Variants in FUT8 observed in about 807,000 individuals in gnomAD.
FUT8 encodes the protein fucosyltransferase 8.
A neutral mutation model predicts 71.3 loss-of-function variants in FUT8; 29 were observed. That is an observed-to-expected ratio of 0.41 (90% CI 0.30 to 0.55). The LOEUF (loss-of-function observed/expected upper bound fraction) is 0.55, where lower values mean the gene tolerates loss of function less well. Ranked by LOEUF, FUT8 falls within the 20% of genes least tolerant of loss-of-function variation. The probability of loss-of-function intolerance (pLI) is 0.34; values close to 1 mark genes in which losing one functional copy is unlikely to be tolerated. For synonymous variants in FUT8, 254 were observed against 239.3 expected (o/e 1.06, Z -0.57); for missense variants, 544 against 702.1 (o/e 0.77, Z 2.55).
Position 65,561,906 on chromosome 14 carries a change from A to T in FUT8, c.203+140A>T, listed in dbSNP as rs1019607848. On this transcript the variant is annotated intron_variant, in intron 3 of 10. Transcript: ENST00000673929. ...CCACAACTTAGCATGACAGTTTTCT[A>T]TCTCTGTGTATTTAATACAGAACAA... 19 of 713,882 alleles carry T rather than the reference A, an allele frequency of 2.7e-5. No homozygotes were observed. In the Admixed American group the frequency reaches 4.4e-4, roughly 17 times the overall value. 44.2% of individuals were successfully genotyped at this position (713,882 alleles called of 1,614,324 possible).
At chr14:65,634,896 C>A (rs1178660735) in intron 6 of FUT8, among the ~76,000 whole-genome samples, 1 of 152,050 alleles carries the variant, frequency 6.6e-6, no homozygotes, top group African/African-American at 2.4e-5. Flanking sequence ...ATGGGGATTG[C>A]ATTGAATTTG....
intron 6 of FUT8, among the ~76,000 whole-genome samples, chr14:65,648,336 G>A (rs112284160): frequency 1.4e-4 from 21 of 151,962 alleles, no homozygotes; most frequent in African/African-American, 5.1e-4. Context: ...TATTCCTTTA[G>A]CTATATATGA....
intron 7 of FUT8, among the ~76,000 whole-genome samples, chr14:65,700,414 G>C (rs1196159575): frequency 1.2e-4 from 7 of 60,268 alleles, no homozygotes; most frequent in African/African-American, 4.0e-4. Context: ...TTTTTGAGAC[G>C]GAGTCTTGCT....
At chr14:65,730,626 C>G (rs963329695) in intron 9 of FUT8, among the ~76,000 whole-genome samples, 1 of 152,002 alleles carries the variant, frequency 6.6e-6, no homozygotes, top group Non-Finnish European at 1.5e-5. Context: ...GAGCCAAGAT[C>G]GCACCACTGC....
At chr14:65,360,066 C>T in the FUT8 span, among the ~76,000 whole-genome samples, 4 of 152,114 alleles carry the variant, frequency 2.6e-5, no homozygotes, top group Non-Finnish European at 5.9e-5. Flanking sequence ...CTCCTGACCT[C>T]ATGATCCGTC....
intron 1 of FUT8, among the ~76,000 whole-genome samples, chr14:65,417,052 C>T (rs932380775): frequency 6.6e-6 from 1 of 151,916 alleles, no homozygotes; most frequent in Non-Finnish European, 1.5e-5. Context: ...TCCTAAAATG[C>T]TGGGATTACA....
intron 3 of FUT8, among the ~76,000 whole-genome samples, chr14:65,601,005 A>G (rs1888262883): frequency 6.6e-6 from 1 of 152,156 alleles, no homozygotes; most frequent in African/African-American, 2.4e-5. Flanking sequence ...TGGAGAATTG[A>G]GCCAGAAACC....
intron 2 of FUT8, among the ~76,000 whole-genome samples, chr14:65,531,213 G>A (rs72714478): frequency 0.13 from 20,367 of 151,576 alleles, 1,831 homozygotes; most frequent in Middle Eastern, 0.2. Flanking sequence ...AGGTACTCAC[G>A]AAAGATTTAA....
rs1359460740 is a variant in FUT8, at chr14:65,616,355, A to G, written c.464A>G (p.Asp155Gly). 8.7e-6 allele frequency: 14 copies of G among 1,600,212 alleles called. No individual in the cohort carries two copies. The highest frequency in any genetic ancestry group is 1.2e-5 in the Non-Finnish European group (14 of 1,174,776). The change falls in exon 5 of 11, where the codon GAT (aspartate) becomes GGT (glycine). Residue 155 changes from aspartate (D) to glycine (G), a missense_variant. Coordinates refer to ENST00000673929, the MANE Select transcript of FUT8 (RefSeq NM_001371533.1). ...LQRHADEFLLDLGHHERSIMT... is the reference protein window; with the variant it reads ...LQRHADEFLLGLGHHERSIMT... Reference sequence around the variant, plus strand: ...AGACATGCAGATGAATTTCTTTTGGATTTAGGACATCATGAAAGGTACTAT... The same window carrying G: ...AGACATGCAGATGAATTTCTTTTGGGTTTAGGACATCATGAAAGGTACTAT...
chr14:65,412,559 T>A (rs140178109), upstream of FUT8: 5,031 of 350,596 alleles, frequency 0.014, 72 homozygotes, highest in Middle Eastern at 0.039. Context: ...CGTCCCGCTG[T>A]GGCCCGCGGC....
chr14:65,513,482 G>A (rs527631658), intron 2 of FUT8, among the ~76,000 whole-genome samples: 3 of 150,780 alleles, frequency 2.0e-5, no homozygotes, highest in East Asian at 3.9e-4. Flanking sequence ...AATGACAGTC[G>A]TGTAAAATAG....
At chr14:65,365,187 C>G in the FUT8 span, among the ~76,000 whole-genome samples, 2 of 152,172 alleles carry the variant, frequency 1.3e-5, no homozygotes, top group Non-Finnish European at 2.9e-5. Flanking sequence ...ATTAGGCAGC[C>G]TACTGCTAGA....
chr14:65,379,468 T>G, the FUT8 span, among the ~76,000 whole-genome samples: 1 of 151,860 alleles, frequency 6.6e-6, no homozygotes, highest in African/African-American at 2.4e-5. Flanking sequence ...AGGCGGAGGT[T>G]GCAATGAGCC....
intron 7 of FUT8, among the ~76,000 whole-genome samples, chr14:65,713,095 C>G (rs1380589755): frequency 6.6e-6 from 1 of 152,202 alleles, no homozygotes; most frequent in Non-Finnish European, 1.5e-5. Context: ...ATTCTACACT[C>G]TATCTCCAAG....
At chr14:65,592,488 T>C (rs1240433137) in intron 3 of FUT8, among the ~76,000 whole-genome samples, 2 of 152,088 alleles carry the variant, frequency 1.3e-5, no homozygotes, top group Non-Finnish European at 2.9e-5. Flanking sequence ...TAGATAGATA[T>C]ATTAAAGGAG....
the FUT8 span, among the ~76,000 whole-genome samples, chr14:65,384,399 C>T: frequency 6.6e-6 from 1 of 152,140 alleles, no homozygotes; most frequent in Non-Finnish European, 1.5e-5. This position sits in a 1 kb window ranked among gnomAD's most constrained non-coding sequence, Gnocchi z 4.2. Context: ...AGGCATGCAC[C>T]ACCATGCCTG....
chr14:65,443,781 C>A (rs556598306), intron 1 of FUT8, among the ~76,000 whole-genome samples: 8 of 151,010 alleles, frequency 5.3e-5, no homozygotes, highest in East Asian at 3.9e-4. Flanking sequence ...GTAATATAAA[C>A]TCCTTGAGTT....
chr14:65,578,905 A>T (rs539674435), intron 3 of FUT8, among the ~76,000 whole-genome samples: 6 of 152,176 alleles, frequency 3.9e-5, no homozygotes, highest in East Asian at 3.9e-4. Context: ...GTTCTTTTTT[A>T]AAAAAATGTA....
At chr14:65,496,431 T>A (rs2066560553) in intron 2 of FUT8, among the ~76,000 whole-genome samples, 1 of 152,182 alleles carries the variant, frequency 6.6e-6, no homozygotes, top group Non-Finnish European at 1.5e-5. Context: ...AAATCTCATC[T>A]TGAATTGTAA....
Sources: gnomAD v4.1 joint callset for allele counts (sites outside exome capture counted in the v4.1 genomes callset) on GRCh38, gnomAD v4.1.1 for gene constraint, Gnocchi (gnomAD v3.1) non-coding constraint, MANE v1.5 for transcripts, NCBI Gene and HGNC (gene_info 2026-07-23, HGNC 2026-07-21) for gene names.